SIDT1: variants seen among roughly 807,000 people sequenced by gnomAD.
SIDT1 encodes SID1 transmembrane family member 1.
In SIDT1, 101 loss-of-function variants were observed where a neutral mutation model predicts 107.5. That is an observed-to-expected ratio of 0.94 (90% CI 0.80 to 1.11). SIDT1 has a LOEUF of 1.11. Among genes scored for constraint, SIDT1 ranks in the 50% least tolerant of loss-of-function variants. The pLI, the probability that SIDT1 is intolerant of heterozygous loss-of-function variation, is 0.00. For synonymous variants in SIDT1, 395 were observed against 398.2 expected (o/e 0.99, Z 0.10); for missense variants, 1,076 against 1,058.2 (o/e 1.02, Z -0.23).
intron 19 of SIDT1, among the ~76,000 whole-genome samples, chr3:113,612,745 T>C (rs556310045): frequency 2.6e-5 from 4 of 152,338 alleles, no homozygotes; most frequent in Non-Finnish European, 4.4e-5. Context: ...TGATCTGCTG[T>C]TGATCAGTCA....
intron 12 of SIDT1, 64 bp from the exon 13 acceptor site, chr3:113,603,896 C>T (rs1576925445): frequency 2.9e-6 from 3 of 1,035,674 alleles, no homozygotes; most frequent in Non-Finnish European, 2.9e-6. Context: ...TTATGTTTGC[C>T]TTTGTATCTC....
intron 4 of SIDT1, among the ~76,000 whole-genome samples, chr3:113,579,712 C>T (rs1181755689): frequency 6.6e-6 from 1 of 152,102 alleles, no homozygotes; most frequent in Non-Finnish European, 1.5e-5. Flanking sequence ...ACTTGTTTTG[C>T]CTCTCTGTAC....
chr3:113,544,331 C>T (rs1436705640), intron 1 of SIDT1, among the ~76,000 whole-genome samples: 1 of 152,132 alleles, frequency 6.6e-6, no homozygotes, highest in Non-Finnish European at 1.5e-5. Flanking sequence ...GCTGGGACTA[C>T]AGGCGCACAC....
At chr3:113,563,479 A>G (rs6769767) in intron 1 of SIDT1, among the ~76,000 whole-genome samples, 70,429 of 152,146 alleles carry the variant, frequency 0.46, 18,002 homozygotes, top group Admixed American at 0.59. Context: ...GACGACTTGA[A>G]TCTAATGAAG....
chr3:113,604,052 G>A lies in SIDT1; in HGVS notation c.1337+19G>A. 2.0e-6 allele frequency: 3 copies of A among 1,507,754 alleles called. No homozygotes were observed. The highest frequency in any genetic ancestry group is 1.4e-5 in the African/African-American group (1 of 71,994). The allele number at this position is 1,507,754 out of a possible 1,614,324, so 93.4% of individuals were successfully genotyped here. ...ATTTTTGGTAAGTAGATGACCAGTAGGACCATGGTTCCCTTAAATAAACAT... is the reference window on the plus strand; with the variant it reads ...ATTTTTGGTAAGTAGATGACCAGTAAGACCATGGTTCCCTTAAATAAACAT... On this transcript the variant is annotated intron_variant, in intron 13 of 24. Coordinates refer to ENST00000264852, the MANE Select transcript of SIDT1 (RefSeq NM_017699.3).
intron 1 of SIDT1, among the ~76,000 whole-genome samples, chr3:113,535,568 T>C (rs1293969591): frequency 6.6e-6 from 1 of 152,232 alleles, no homozygotes; most frequent in African/African-American, 2.4e-5. Context: ...GAAACAGTTT[T>C]GAAAATATTT....
At chr3:113,541,090 C>T (rs1167908726) in intron 1 of SIDT1, among the ~76,000 whole-genome samples, 1 of 150,666 alleles carries the variant, frequency 6.6e-6, no homozygotes, top group African/African-American at 2.4e-5. Context: ...TTCCTTCTAA[C>T]CAACTGTCAG....
In SIDT1 at chr3:113,589,529, CTT is replaced by C. The variant is rs386397654; in HGVS notation, c.1002-3455_1002-3454del. Among the ~76,000 whole-genome samples, 296 of 116,006 alleles carry C rather than the reference CTT, an allele frequency of 2.6e-3. 2 individuals are homozygous for C. Among genetic ancestry groups the C allele is most frequent in the East Asian group, 0.017 (56 of 3,294 alleles). The allele number at this position is 116,006 out of a possible 152,430, so 76.1% of individuals were successfully genotyped here. A position where few individuals can be genotyped will look rare whatever the true frequency, so the allele number is the denominator to read the frequency against. On this transcript the variant is annotated intron_variant, in intron 9 of 24. Transcript: ENST00000264852. ...TCAGGCCAAATTATAACTTCTCTCC[CTT>C]TTTTTTTTTTTTTTTTTTTTGAGAC... is the stretch of plus-strand genomic sequence containing the variant.
chr3:113,597,495 CAAAAA>C (rs60934363), intron 10 of SIDT1, among the ~76,000 whole-genome samples: 2,564 of 109,398 alleles, frequency 0.023, 78 homozygotes, highest in African/African-American at 0.086. Context: ...GACTCCATCT[CAAAAA>C]AAAAAAAAAA....
rs550342420 is a variant in SIDT1 at position 113,532,713 on chromosome 3, G to C, written c.-309G>C. ...GTCTAAATTCTGGCTGGGTAAGTGG[G>C]GGGATTCTCGGCGATGAGAAACGGG... is the stretch of plus-strand genomic sequence containing the variant. On this transcript the variant is annotated 5_prime_UTR_variant, in exon 1 of 25. Coordinates refer to ENST00000264852, the MANE Select transcript of SIDT1 (RefSeq NM_017699.3). The C allele has an allele frequency of 1.2e-5, 4 of 321,306 alleles. No individual in the cohort carries two copies. Among genetic ancestry groups the C allele is most frequent in the Admixed American group, 9.9e-5 (2 of 20,136 alleles). The allele number at this position is 321,306 out of a possible 1,614,324, so 19.9% of individuals were successfully genotyped here.
chr3:113,588,917 G>A (rs9827490), intron 9 of SIDT1: 1 of 152,124 alleles, frequency 6.6e-6, no homozygotes, highest in Non-Finnish European at 1.5e-5. Context: ...GCTGGGCTGA[G>A]AGATCCCAGG....
intron 3 of SIDT1, among the ~76,000 whole-genome samples, chr3:113,571,486 G>GCACACACACACACACACA (rs60256247): frequency 0.097 from 14,448 of 148,656 alleles, 832 homozygotes; most frequent in East Asian, 0.26. Flanking sequence ...CCTATCCTCT[G>GCACACACACACACACACA]CACACACACA....
intron 4 of SIDT1, 87 bp from the exon 5 acceptor site, chr3:113,580,513 CACGGAGAT>C (rs1943243857): frequency 1.4e-6 from 1 of 690,696 alleles, no homozygotes; most frequent in Non-Finnish European, 2.6e-6. Context: ...AATGGAGATT[CACGGAGAT>C]TTACGTATAA....
intron 9 of SIDT1, among the ~76,000 whole-genome samples, chr3:113,589,565 G>A (rs12489267): frequency 0.49 from 64,754 of 131,456 alleles, 16,757 homozygotes; most frequent in Admixed American, 0.64. Flanking sequence ...ACAGTCTCTC[G>A]CCCTGTCATC....
In SIDT1 at chr3:113,616,465, G is replaced by C. The variant is rs117236623; in HGVS notation, c.2043+289G>C. 5.4e-3 allele frequency among the ~76,000 whole-genome samples: 820 copies of C among 152,232 alleles called. 13 individuals carry two copies. The highest frequency in any genetic ancestry group is 0.032 in the Admixed American group (494 of 15,290). On this transcript the variant is annotated intron_variant, in intron 20 of 24. Transcript: ENST00000264852. ...GTGATGATTACGGACACATGGTGGG[G>C]AATAACACACACTGGGGCCTGTTAG...
At chr3:113,619,635 A>G in intron 20 of SIDT1, 45 bp from the exon 21 acceptor site, 1 of 1,557,098 alleles carries the variant, frequency 6.4e-7, no homozygotes, top group Non-Finnish European at 8.9e-7. Context: ...AAAGAAAAGT[A>G]GGCTGTGCAG....
Position 113,569,947 on chromosome 3 carries a change from C to T in SIDT1, c.515+2237C>T, listed in dbSNP as rs1942288349. 2.0e-5 allele frequency among the ~76,000 whole-genome samples: 3 copies of T among 152,188 alleles called. No individual in the cohort carries two copies. The South Asian group carries it at 6.2e-4, about 32-fold the overall frequency. ...TTTGAGACCGAGTCTTGCTGTATCACCAGGCTGGAGTGCAATGGCATGATC... is the reference window on the plus strand; with the variant it reads ...TTTGAGACCGAGTCTTGCTGTATCATCAGGCTGGAGTGCAATGGCATGATC... On this transcript the variant is annotated intron_variant, in intron 3 of 24. Transcript: ENST00000264852.
chr3:113,619,768 T>C lies in SIDT1; in HGVS notation c.2090+42T>C, dbSNP rs758237689. 9 of 1,546,288 alleles carry C rather than the reference T, an allele frequency of 5.8e-6. No individual in the cohort carries two copies. The East Asian group carries it at 2.0e-4, about 35-fold the overall frequency. On this transcript the variant is annotated intron_variant, in intron 21 of 24. Coordinates refer to ENST00000264852, the MANE Select transcript of SIDT1 (RefSeq NM_017699.3). ...AAACATGTTTTTGCCTTTATTAATGTCAGTAACACTGTGGTTTAGCTTTCC... is the reference window on the plus strand; with the variant it reads ...AAACATGTTTTTGCCTTTATTAATGCCAGTAACACTGTGGTTTAGCTTTCC...
In SIDT1 at chr3:113,608,126, A is replaced by G. The variant is rs1945468425; in HGVS notation, c.1511A>G (p.His504Arg). 6.2e-7 allele frequency: 1 copy of G among 1,612,138 alleles called. No individual in the cohort carries two copies. Among genetic ancestry groups the G allele is most frequent in the African/African-American group, 1.3e-5 (1 of 74,838 alleles). ...AFNNILSNLG[H>R]VLLGFLFLLI... ...AACAACATTCTCAGCAATCTGGGCC[A>G]CGTGCTTCTGGGCTTCCTCTTCCTG... Residue 504 changes from histidine to arginine, a missense_variant, in exon 16 of 25, where the codon CAC becomes CGC. His to Arg is a conservative substitution (Grantham distance 29). Transcript: ENST00000264852.
Sources: allele counts gnomAD v4.1 joint callset (sites outside exome capture counted in the v4.1 genomes callset), GRCh38; gene constraint gnomAD v4.1.1; transcripts MANE v1.5; gene names NCBI Gene and HGNC (gene_info 2026-07-23, HGNC 2026-07-21).